KCNK2: variants seen among roughly 807,000 people sequenced by gnomAD.
KCNK2 encodes potassium channel subfamily K member 2.
KCNK2 carries 21 observed loss-of-function variants against 40.5 expected under a neutral mutation model. The observed-to-expected ratio is 0.52, with a 90% CI of 0.37 to 0.75. KCNK2 has a LOEUF of 0.75. Ranked by LOEUF, KCNK2 falls within the 30% of genes least tolerant of loss-of-function variation. KCNK2 has a pLI of 0.00. For synonymous variants in KCNK2, 191 were observed against 202.2 expected, an observed-to-expected ratio of 0.94 and a Z score of 0.47; for missense variants, 399 against 531.6, an observed-to-expected ratio of 0.75 and a Z score of 2.45.
At chr1:215,093,996 A>G (rs1227949901) in intron 2 of KCNK2, among the ~76,000 whole-genome samples, 1 of 138,944 alleles carries the variant, frequency 7.2e-6, no homozygotes, top group African/African-American at 2.7e-5. Flanking sequence ...GTTGGTGCAA[A>G]TGCGGTTTTT....
In KCNK2 at chr1:215,125,798, A is replaced by T. The variant is rs1413994954; in HGVS notation, c.475+1048A>T. ...TATATAAAATAAAATTTGAAAAAAAAAAAAAGAAAGCCATGTTTGTCATTC... is the reference window on the plus strand; with the variant it reads ...TATATAAAATAAAATTTGAAAAAAATAAAAAGAAAGCCATGTTTGTCATTC... On this transcript the variant is annotated intron_variant, in intron 3 of 6. Transcript: ENST00000444842. Among the ~76,000 whole-genome samples the T allele has an allele frequency of 3.4e-5, 5 of 147,332 alleles. No individual in the cohort carries two copies. The East Asian group carries it at 7.9e-4, about 23-fold the overall frequency.
intron 1 of KCNK2, among the ~76,000 whole-genome samples, chr1:215,007,073 A>ATATG (rs1656173084): frequency 1.6e-5 from 2 of 121,586 alleles, no homozygotes; most frequent in Admixed American, 8.2e-5. Context: ...GTGTGTGTGT[A>ATATG]TATATATATG....
chr1:215,083,628 C>T, intron 1 of KCNK2, 197 bp downstream of exon 1: 2 of 602,070 alleles, frequency 3.3e-6, no homozygotes, highest in Non-Finnish European at 5.9e-6. Context: ...TCTCCCCCCT[C>T]TCCCGCCGGT....
chr1:215,011,083 A>T (rs1455536255), intron 1 of KCNK2, among the ~76,000 whole-genome samples: 1 of 151,660 alleles, frequency 6.6e-6, no homozygotes, highest in Admixed American at 6.6e-5. Context: ...TAGTTCTATG[A>T]GTTTTGATAC....
chr1:215,144,744 G>T (rs1323296219), intron 3 of KCNK2, among the ~76,000 whole-genome samples: 1 of 152,138 alleles, frequency 6.6e-6, no homozygotes, highest in Non-Finnish European at 1.5e-5. Context: ...AGTTCGTGGT[G>T]GTTTATATTG....
At chr1:215,222,126 TGA>T (rs1666203564) in intron 6 of KCNK2, among the ~76,000 whole-genome samples, 1 of 152,128 alleles carries the variant, frequency 6.6e-6, no homozygotes, top group Non-Finnish European at 1.5e-5. Context: ...CACCAAGCCA[TGA>T]GGGATCCACC....
At chr1:215,044,389 T>A (rs533227821) in intron 1 of KCNK2, among the ~76,000 whole-genome samples, 1 of 152,256 alleles carries the variant, frequency 6.6e-6, no homozygotes, top group African/African-American at 2.4e-5. Context: ...AAACACCTAG[T>A]AATGTCTCAA....
At chr1:215,160,755 C>T (rs1444265563) in intron 3 of KCNK2, among the ~76,000 whole-genome samples, 1 of 152,060 alleles carries the variant, frequency 6.6e-6, no homozygotes, top group African/African-American at 2.4e-5. Context: ...GGAATGTTGT[C>T]GTAGGCTCTC....
intron 1 of KCNK2, among the ~76,000 whole-genome samples, chr1:215,022,523 C>CT (rs771691086): frequency 8.9e-4 from 135 of 152,098 alleles, no homozygotes; most frequent in Non-Finnish European, 1.6e-3. Context: ...TTGTCTCAGC[C>CT]TTTTTTTGGC....
intron 1 of KCNK2, among the ~76,000 whole-genome samples, chr1:215,017,493 T>C (rs966139200): frequency 1.3e-5 from 2 of 152,126 alleles, no homozygotes; most frequent in Admixed American, 1.3e-4. Flanking sequence ...CAGACAGAGA[T>C]GGCAACTATT....
intron 3 of KCNK2, among the ~76,000 whole-genome samples, chr1:215,163,011 C>T (rs1663275303): frequency 6.6e-6 from 1 of 152,046 alleles, no homozygotes; most frequent in Admixed American, 6.6e-5. Context: ...CTATAAATTA[C>T]TTTGGGCAGT....
chr1:215,227,030 T>G (rs1032141911), intron 6 of KCNK2, among the ~76,000 whole-genome samples: 1 of 152,230 alleles, frequency 6.6e-6, no homozygotes, highest in Non-Finnish European at 1.5e-5. Context: ...TTCTTTGTAC[T>G]GGATTGTGTA....
chr1:215,230,592 T>TATATATATATATACAAGACCGTA, intron 6 of KCNK2, among the ~76,000 whole-genome samples: 1 of 94,622 alleles, frequency 1.1e-5, no homozygotes, highest in African/African-American at 6.0e-5. Flanking sequence ...CCGTAATATA[T>TATATATATATATACAAGACCGTA]ATATATATAT....
At chr1:215,192,715 G>A (rs1339408) in intron 5 of KCNK2, among the ~76,000 whole-genome samples, 12,734 of 152,060 alleles carry the variant, frequency 0.084, 822 homozygotes, top group African/African-American at 0.18. Context: ...TTTTAGAGCC[G>A]TATCCTCCAT....
Position 215,212,306 on chromosome 1 carries a change from G to T in KCNK2, c.963+17214G>T, listed in dbSNP as rs540478733. On this transcript the variant is annotated intron_variant, in intron 6 of 6. Coordinates refer to ENST00000444842, the MANE Select transcript of KCNK2 (RefSeq NM_001017425.3). ...AGTACCCACTTCCTACGTATGAAAT[G>T]CCCCTTATAACAGTTGATTCTATTT... is the stretch of plus-strand genomic sequence containing the variant. Among the ~76,000 whole-genome samples the T allele has an allele frequency of 4.6e-5, 7 of 152,142 alleles. No homozygotes were observed. The South Asian group carries it at 1.5e-3, about 32-fold the overall frequency.
intron 2 of KCNK2, among the ~76,000 whole-genome samples, chr1:215,114,719 G>T (rs989841744): frequency 6.6e-6 from 1 of 152,050 alleles, no homozygotes; most frequent in African/African-American, 2.4e-5. Flanking sequence ...CCTTTTCTCT[G>T]CATAATGTTA....
At chr1:215,225,788 TCA>T (rs1666362258) in intron 6 of KCNK2, among the ~76,000 whole-genome samples, 1 of 152,160 alleles carries the variant, frequency 6.6e-6, no homozygotes, top group African/African-American at 2.4e-5. Flanking sequence ...ATTACTATAC[TCA>T]CAGCACTATC....
intron 1 of KCNK2, among the ~76,000 whole-genome samples, chr1:215,007,185 GTATATATATATATATA>G (rs1162302568): frequency 9.7e-5 from 3 of 31,028 alleles, no homozygotes; most frequent in South Asian, 2.1e-3. Context: ...ATGTGTGTGG[GTATATATATATATATA>G]TATATATATA....
chr1:215,166,722 C>T (rs1431373427), intron 3 of KCNK2, among the ~76,000 whole-genome samples: 2 of 151,960 alleles, frequency 1.3e-5, no homozygotes, highest in African/African-American at 4.8e-5. Context: ...TTCCATATAC[C>T]ACCAGAAAAA....
Sources: gnomAD v4.1 joint callset for allele counts (sites outside exome capture counted in the v4.1 genomes callset) on GRCh38, gnomAD v4.1.1 for gene constraint, MANE v1.5 for transcripts, NCBI Gene and HGNC (gene_info 2026-07-23, HGNC 2026-07-21) for gene names.